ADK: variants seen among roughly 807,000 people sequenced by gnomAD.
The protein encoded by ADK is adenosine kinase, also known as N6,N6-dimethyladenosine kinase.
Under a neutral mutation model 44.7 loss-of-function variants are expected in ADK, and 24 were observed. That is an observed-to-expected ratio of 0.54 (90% CI 0.39 to 0.76). ADK has a LOEUF of 0.76. ADK is among the 30% of genes least tolerant of loss of function. The pLI, the probability that ADK is intolerant of heterozygous loss-of-function variation, is 0.00. For missense variants in ADK, 321 were observed against 425.1 expected (o/e 0.76, Z 2.15); for synonymous variants, 128 against 142.6 (o/e 0.90, Z 0.73).
intron 3 of ADK, among the ~76,000 whole-genome samples, chr10:74,232,056 A>G (rs985822880): frequency 6.6e-6 from 1 of 151,840 alleles, no homozygotes; most frequent in Non-Finnish European, 1.5e-5. Flanking sequence ...TCAGGCTTAT[A>G]CATAATCTAC....
chr10:74,298,632 G>A (rs76464031), intron 3 of ADK, among the ~76,000 whole-genome samples: 2,920 of 152,214 alleles, frequency 0.019, 72 homozygotes, highest in African/African-American at 0.057. Context: ...TAGGCCAGGT[G>A]TGGTGGCTCA....
At chr10:74,655,027 G>A (rs1215230968) in intron 9 of ADK, 3 of 206,966 alleles carry the variant, frequency 1.4e-5, no homozygotes, top group Non-Finnish European at 2.9e-5. Context: ...CTGGGGCCCA[G>A]GAGCTCAGCA....
chr10:74,625,674 G>C (rs1335074953), intron 9 of ADK, among the ~76,000 whole-genome samples: 1 of 152,076 alleles, frequency 6.6e-6, no homozygotes, highest in East Asian at 1.9e-4. Context: ...ACAATCCCAT[G>C]GGGTTATAGT....
At chr10:74,392,111 C>T (rs555914053) in intron 4 of ADK, among the ~76,000 whole-genome samples, 5 of 152,212 alleles carry the variant, frequency 3.3e-5, no homozygotes, top group South Asian at 4.2e-4. Context: ...AATATTGCTG[C>T]AGTGAACATG....
Position 74,176,807 on chromosome 10 carries a change from C to A in ADK, c.66-23957C>A. On this transcript the variant is annotated intron_variant, in intron 1 of 10. Coordinates refer to ENST00000539909, the MANE Select transcript of ADK (RefSeq NM_006721.4). ...CGGGAAGCAGTTGCTGTGGTACCTG[C>A]TGCTGCCCGAGCGGACGTAGAGCAT... 5.6e-6 allele frequency: 9 copies of A among 1,600,258 alleles called. No individual in the cohort carries two copies. The South Asian group carries it at 7.7e-5, about 14-fold the overall frequency.
intron 9 of ADK, among the ~76,000 whole-genome samples, chr10:74,643,677 G>T (rs1477669171): frequency 6.6e-6 from 1 of 152,078 alleles, no homozygotes; most frequent in East Asian, 1.9e-4. Context: ...ATTTTTTATT[G>T]TGGGTGATAT....
Position 74,298,476 on chromosome 10 carries a change from G to A in ADK, c.195-16191G>A, listed in dbSNP as rs139832712. 1.2e-3 allele frequency among the ~76,000 whole-genome samples: 184 copies of A among 152,228 alleles called. 3 individuals carry two copies. The East Asian group carries it at 0.013, about 11-fold the overall frequency. On this transcript the variant is annotated intron_variant, in intron 3 of 10. Transcript: ENST00000539909. ...TTTAAGAATTGAGGACATTAGGCTC[G>A]TTGCAGTGGCTCACACCTGTAACCC...
At position 74,332,995 on chromosome 10, in the gene ADK, A is replaced by G. The variant is rs1841272567; in HGVS notation, c.273+18250A>G. On this transcript the variant is annotated intron_variant, in intron 4 of 10. Coordinates refer to ENST00000539909, the MANE Select transcript of ADK (RefSeq NM_006721.4). ...GGACTTACTACTGTTCCTCTTAAGA[A>G]GCAGAAATATTTTACAGTCTTTCTT... is the stretch of plus-strand genomic sequence containing the variant. Among the ~76,000 whole-genome samples the G allele has an allele frequency of 3.9e-5, 6 of 152,302 alleles. 1 individual carries two copies. In the South Asian group the frequency reaches 8.3e-4, roughly 21 times the overall value.
chr10:74,327,938 T>C (rs1315960964), intron 4 of ADK, among the ~76,000 whole-genome samples: 2 of 152,220 alleles, frequency 1.3e-5, no homozygotes, highest in African/African-American at 4.8e-5. Flanking sequence ...AGATACAGTC[T>C]CACTCTGTCA....
intron 4 of ADK, among the ~76,000 whole-genome samples, chr10:74,338,577 A>G (rs1841486462): frequency 6.6e-6 from 1 of 152,228 alleles, no homozygotes; most frequent in South Asian, 2.1e-4. Context: ...ATGGAATACC[A>G]AGCTTTGTAA....
intron 1 of ADK, chr10:74,176,348 G>T: frequency 1.7e-6 from 1 of 603,924 alleles, no homozygotes. Context: ...CCCCACCTTT[G>T]CAGATGGATT....
chr10:74,708,015 G>A (rs1856666652), intron 10 of ADK, among the ~76,000 whole-genome samples: 1 of 151,732 alleles, frequency 6.6e-6, no homozygotes, highest in African/African-American at 2.4e-5. Context: ...GCTAGGCATG[G>A]TGGTGCATGC....
intron 6 of ADK, among the ~76,000 whole-genome samples, chr10:74,515,897 GC>G (rs954977100): frequency 3.3e-4 from 51 of 152,264 alleles, no homozygotes; most frequent in African/African-American, 1.2e-3. Context: ...GCCTTCACCA[GC>G]TTGGATCATG....
chr10:74,199,872 G>T (rs752172445), intron 1 of ADK, among the ~76,000 whole-genome samples: 2 of 151,714 alleles, frequency 1.3e-5, no homozygotes, highest in Non-Finnish European at 2.9e-5. Context: ...TACAGATGGG[G>T]TTTCACCTTG....
At chr10:74,403,451 C>A (rs1843787714) in intron 6 of ADK, among the ~76,000 whole-genome samples, 2 of 152,146 alleles carry the variant, frequency 1.3e-5, no homozygotes, top group Admixed American at 1.3e-4. Flanking sequence ...TGGCGGGCAC[C>A]CCTCCCCCAG....
chr10:74,406,443 T>A (rs1309389636), intron 6 of ADK, among the ~76,000 whole-genome samples: 9 of 151,608 alleles, frequency 5.9e-5, no homozygotes, highest in Non-Finnish European at 1.0e-4. Flanking sequence ...TCATTCACTT[T>A]GGAAATTATT....
intron 2 of ADK, among the ~76,000 whole-genome samples, chr10:74,224,251 T>G (rs1027411692): frequency 1.3e-5 from 2 of 152,254 alleles, no homozygotes; most frequent in African/African-American, 4.8e-5. Context: ...AGTTGTTCCA[T>G]CAGTTTTGAA....
chr10:74,666,830 CTTTTT>C (rs11317030), intron 9 of ADK, among the ~76,000 whole-genome samples: 1 of 109,048 alleles, frequency 9.2e-6, no homozygotes, highest in Non-Finnish European at 1.9e-5. Context: ...AGTTTTGTGA[CTTTTT>C]TTTTTTTTTT....
intron 4 of ADK, among the ~76,000 whole-genome samples, chr10:74,370,002 T>A (rs1842609901): frequency 6.6e-6 from 1 of 152,172 alleles, no homozygotes; most frequent in Non-Finnish European, 1.5e-5. Flanking sequence ...AATTTGAAAT[T>A]AAAATTTAAT....
Sources: gnomAD v4.1 joint callset for allele counts (sites outside exome capture counted in the v4.1 genomes callset) on GRCh38, gnomAD v4.1.1 for gene constraint, MANE v1.5 for transcripts, NCBI Gene and HGNC (gene_info 2026-07-23, HGNC 2026-07-21) for gene names.